MACROD2: variants seen among roughly 807,000 people sequenced by gnomAD.
MACROD2 encodes mono-ADP ribosylhydrolase 2, also known as ADP-ribose glycohydrolase MACROD2.
A neutral mutation model predicts 70.4 loss-of-function variants in MACROD2; 36 were observed. That is an observed-to-expected ratio of 0.51 (90% CI 0.39 to 0.68). MACROD2 has a LOEUF of 0.68. Among genes scored for constraint, MACROD2 ranks in the 30% least tolerant of loss-of-function variants. The pLI is 0.00. For synonymous variants in MACROD2, 172 were observed against 178.8 expected (o/e 0.96, Z 0.30); for missense variants, 496 against 538.4 (o/e 0.92, Z 0.78).
At position 15,777,663 on chromosome 20, in the gene MACROD2, G is replaced by C. The variant is rs558342332; in HGVS notation, c.646-85082G>C. 8.3e-4 allele frequency among the ~76,000 whole-genome samples: 88 copies of C among 106,450 alleles called. 4 individuals carry two copies. Among genetic ancestry groups the C allele is most frequent in the African/African-American group, 3.4e-3 (84 of 24,678 alleles). 69.8% of individuals were successfully genotyped at this position (106,450 alleles called of 152,430 possible). On this transcript the variant is annotated intron_variant, in intron 8 of 17. Coordinates refer to ENST00000684519, the MANE Select transcript of MACROD2 (RefSeq NM_001351661.2). ...CTCTCTCTCTCTCTCTCTTTCTTTC[G>C]AGACAGAGTCTCACTCTGTTGCCCA... is the stretch of plus-strand genomic sequence containing the variant.
At chr20:15,775,636 C>T (rs1189908485) in intron 8 of MACROD2, among the ~76,000 whole-genome samples, 1 of 152,024 alleles carries the variant, frequency 6.6e-6, no homozygotes, top group Non-Finnish European at 1.5e-5. Flanking sequence ...TATGGAATAG[C>T]CAAATATTTT....
rs186923293 is a variant in MACROD2, at chr20:15,360,408, G to A, written c.541-70997G>A. The stretch of plus-strand genomic sequence containing the variant: ...CAATCATGTGATTGCTGTAACATAT[G>A]CAATGTATGGCTTTTGTAACAAGTT... On this transcript the variant is annotated intron_variant, in intron 6 of 17. Transcript: ENST00000684519. Among the ~76,000 whole-genome samples, 700 of 152,198 alleles carry A rather than the reference G, an allele frequency of 4.6e-3. 1 individual carries two copies. The highest frequency in any genetic ancestry group is 0.027 in the Middle Eastern group (8 of 294).
At chr20:14,557,763 C>T (rs911398433) in intron 4 of MACROD2, among the ~76,000 whole-genome samples, 1 of 151,746 alleles carries the variant, frequency 6.6e-6, no homozygotes, top group Non-Finnish European at 1.5e-5. Flanking sequence ...AGAACACTTA[C>T]CCATTGCTGG....
intron 3 of MACROD2, among the ~76,000 whole-genome samples, chr20:14,139,032 G>T (rs1188655059): frequency 6.6e-6 from 1 of 152,004 alleles, no homozygotes; most frequent in Non-Finnish European, 1.5e-5. Context: ...TAATTTCATT[G>T]TTTTCTCTAC....
intron 6 of MACROD2, among the ~76,000 whole-genome samples, chr20:15,333,516 G>A (rs367813130): frequency 5.9e-5 from 9 of 151,692 alleles, no homozygotes; most frequent in South Asian, 2.1e-4. Flanking sequence ...GAAGATCAGC[G>A]CTGGAAGAAG....
intron 7 of MACROD2, among the ~76,000 whole-genome samples, chr20:15,466,848 G>A (rs2046897619): frequency 6.6e-6 from 1 of 152,142 alleles, no homozygotes; most frequent in African/African-American, 2.4e-5. Context: ...ACTCTTTAAG[G>A]TTTCCCTAGA....
intron 15 of MACROD2, among the ~76,000 whole-genome samples, chr20:16,033,375 C>A (rs749032912): frequency 6.6e-6 from 1 of 152,188 alleles, no homozygotes. Flanking sequence ...AGCTCTAATT[C>A]ATTTAACTTT....
At chr20:15,383,117 C>T (rs571760411) in intron 6 of MACROD2, among the ~76,000 whole-genome samples, 1 of 152,132 alleles carries the variant, frequency 6.6e-6, no homozygotes, top group Admixed American at 6.5e-5. Flanking sequence ...GAAGAAAAAG[C>T]TTCTCATTCA....
chr20:14,879,216 A>G (rs890311851), intron 5 of MACROD2, among the ~76,000 whole-genome samples: 45 of 152,290 alleles, frequency 3.0e-4, no homozygotes, highest in African/African-American at 1.0e-3. Flanking sequence ...TGTTGTTTAC[A>G]TTCACTAACA....
intron 13 of MACROD2, among the ~76,000 whole-genome samples, chr20:15,974,034 G>GA (rs1263649882): frequency 2.6e-5 from 4 of 152,146 alleles, no homozygotes; most frequent in Non-Finnish European, 4.4e-5. Flanking sequence ...TGGACTGTTT[G>GA]AAAAATGTAC....
intron 3 of MACROD2, among the ~76,000 whole-genome samples, chr20:14,341,412 A>G (rs1447197573): frequency 6.6e-6 from 1 of 152,100 alleles, no homozygotes; most frequent in Non-Finnish European, 1.5e-5. Context: ...CCGAGGCGGG[A>G]GGATCACCTG....
chr20:14,767,689 C>G (rs2072109424), intron 5 of MACROD2, among the ~76,000 whole-genome samples: 2 of 151,418 alleles, frequency 1.3e-5, no homozygotes, highest in African/African-American at 4.9e-5. Flanking sequence ...TATGCAGAAC[C>G]TGCAGGTTTG....
At chr20:14,841,415 A>G (rs1319938238) in intron 5 of MACROD2, among the ~76,000 whole-genome samples, 1 of 152,176 alleles carries the variant, frequency 6.6e-6, no homozygotes, top group Non-Finnish European at 1.5e-5. Context: ...CTTCACTGTC[A>G]TGGAAAAGAT....
intron 3 of MACROD2, among the ~76,000 whole-genome samples, chr20:14,347,203 T>C (rs2122682136): frequency 6.6e-6 from 1 of 152,282 alleles, no homozygotes; most frequent in East Asian, 1.9e-4. Flanking sequence ...AAAAGTGTCC[T>C]AATTAGTAGG....
intron 6 of MACROD2, among the ~76,000 whole-genome samples, chr20:15,245,706 C>T (rs115328486): frequency 0.012 from 1,760 of 152,254 alleles, 29 homozygotes; most frequent in African/African-American, 0.04. Context: ...ATAAGCTAGA[C>T]TTTGTGTTGA....
chr20:15,743,690 C>G (rs1278275488), intron 8 of MACROD2, among the ~76,000 whole-genome samples: 1 of 152,118 alleles, frequency 6.6e-6, no homozygotes. Flanking sequence ...CCCCTCGCTG[C>G]ACTTGTGTTT....
chr20:15,397,721 A>G (rs2045878177), intron 6 of MACROD2, among the ~76,000 whole-genome samples: 1 of 152,230 alleles, frequency 6.6e-6, no homozygotes, highest in African/African-American at 2.4e-5. Flanking sequence ...TGATAGTTTC[A>G]GTTGTCATAA....
intron 8 of MACROD2, among the ~76,000 whole-genome samples, chr20:15,853,132 A>G (rs2064318730): frequency 6.6e-6 from 1 of 152,202 alleles, no homozygotes; most frequent in African/African-American, 2.4e-5. Context: ...TCAGGGTAGA[A>G]ATAAAGGACT....
rs146797068 is a variant in MACROD2 at position 16,052,550 on chromosome 20, G to C, written c.*2674G>C. 3.8e-3 allele frequency: 584 copies of C among 152,724 alleles called. 4 individuals carry two copies. The highest frequency in any genetic ancestry group is 0.013 in the African/African-American group (558 of 41,572). 9.5% of individuals were successfully genotyped at this position (152,724 alleles called of 1,614,324 possible). A position where few individuals can be genotyped will look rare whatever the true frequency, so the allele number is the denominator to read the frequency against. The stretch of plus-strand genomic sequence containing the variant: ...AATTAAAATGGTCCTCGCTGTAGGA[G>C]AGACAAAGGGGCTTTTCCTCTAGCT... On this transcript the variant is annotated 3_prime_UTR_variant, in exon 18 of 18. Coordinates refer to ENST00000684519, the MANE Select transcript of MACROD2 (RefSeq NM_001351661.2).
Sources: allele counts gnomAD v4.1 joint callset (sites outside exome capture counted in the v4.1 genomes callset), GRCh38; gene constraint gnomAD v4.1.1; transcripts MANE v1.5; gene names NCBI Gene and HGNC (gene_info 2026-07-23, HGNC 2026-07-21).